SVIL: variants seen among roughly 807,000 people sequenced by gnomAD.
SVIL encodes supervillin.
Under a neutral mutation model 240.4 loss-of-function variants are expected in SVIL, and 101 were observed. The observed-to-expected ratio is 0.42, with a 90% CI of 0.36 to 0.50. The LOEUF is 0.50. Among genes scored for constraint, SVIL ranks in the 20% least tolerant of loss-of-function variants. The pLI is 0.01. For synonymous variants in SVIL, 999 were observed against 1,100.0 expected (o/e 0.91, Z 1.82); for missense variants, 2,512 against 2,818.7 (o/e 0.89, Z 2.46).
rs750920473 is a variant in SVIL at position 29,512,739 on chromosome 10, TTGA to T, written c.3509_3511del (p.Ile1170del). 2.5e-6 allele frequency: 4 copies of T among 1,614,146 alleles called. No homozygotes were observed. The South Asian group carries it at 4.4e-5, about 18-fold the overall frequency. ...TCCTAACATGGGGAATGTTACCTTC[TTGA>T]TGAGGGACCGCCCTGCTTCCTGGGT... On this transcript the variant is annotated inframe_deletion, in exon 17 of 38. Transcript: ENST00000355867.
At chr10:29,607,556 T>C (rs1304406798) in intron 1 of SVIL, among the ~76,000 whole-genome samples, 1 of 152,188 alleles carries the variant, frequency 6.6e-6, no homozygotes, top group African/African-American at 2.4e-5. Context: ...GTTGTTTACA[T>C]AGATTTGACA....
chr10:29,694,639 C>G (rs993900530), intron 1 of SVIL, among the ~76,000 whole-genome samples: 2 of 151,996 alleles, frequency 1.3e-5, no homozygotes, highest in Admixed American at 1.3e-4. Context: ...TTTGTATTTT[C>G]AGTAGAGAAA....
chr10:29,719,824 G>A (rs1963866892), intron 1 of SVIL, among the ~76,000 whole-genome samples: 1 of 152,144 alleles, frequency 6.6e-6, no homozygotes, highest in Admixed American at 6.5e-5. Flanking sequence ...GTGAGCTGTG[G>A]AGACAACTTT....
In SVIL at chr10:29,555,040, A is replaced by G. The variant is rs551892529; in HGVS notation, c.8+11T>C. 91 of 1,612,912 alleles carry G rather than the reference A, an allele frequency of 5.6e-5. 1 individual carries two copies. In the South Asian group the frequency reaches 8.1e-4, roughly 14 times the overall value. On this transcript the variant is annotated intron_variant, in intron 4 of 37. Coordinates refer to ENST00000355867, the MANE Select transcript of SVIL (RefSeq NM_021738.3). ...TCTTCTACTTCCTAACTCCCACTATAAAGATCTTACCTTTTCATTTCTAAG... is the reference window on the plus strand; with the variant it reads ...TCTTCTACTTCCTAACTCCCACTATGAAGATCTTACCTTTTCATTTCTAAG...
intron 6 of SVIL, among the ~76,000 whole-genome samples, chr10:29,541,525 G>T (rs1178791889): frequency 6.6e-6 from 1 of 152,216 alleles, no homozygotes; most frequent in African/African-American, 2.4e-5. Flanking sequence ...TCTGGGGGCA[G>T]AAGCAGGATA....
At chr10:29,610,677 T>A (rs998370007) in intron 1 of SVIL, among the ~76,000 whole-genome samples, 2 of 152,088 alleles carry the variant, frequency 1.3e-5, no homozygotes, top group Non-Finnish European at 2.9e-5. Flanking sequence ...TGCCTCAACC[T>A]CCCAAAGTGT....
chr10:29,490,108 C>T (rs1432550261), intron 22 of SVIL, among the ~76,000 whole-genome samples: 1 of 152,096 alleles, frequency 6.6e-6, no homozygotes, highest in Admixed American at 6.5e-5. Flanking sequence ...GACTGAGAGT[C>T]TGGAGCCCAT....
Position 29,542,995 on chromosome 10 carries a change from A to G in SVIL, c.828-6926T>C, listed in dbSNP as rs180765313. Among the ~76,000 whole-genome samples, 267 of 152,306 alleles carry G rather than the reference A, an allele frequency of 1.8e-3. 1 individual carries two copies. Among genetic ancestry groups the G allele is most frequent in the Non-Finnish European group, 2.9e-3 (196 of 68,024 alleles). ...CAGCTCTGTCTCTGGGAAACTCACG[A>G]TATGATAATGAGAGCAGACTGGTGC... On this transcript the variant is annotated intron_variant, in intron 6 of 37. Coordinates refer to ENST00000355867, the MANE Select transcript of SVIL (RefSeq NM_021738.3).
intron 1 of SVIL, among the ~76,000 whole-genome samples, chr10:29,617,533 A>G (rs1957471637): frequency 6.6e-6 from 1 of 151,848 alleles, no homozygotes; most frequent in Non-Finnish European, 1.5e-5. Flanking sequence ...GTGAGCCGAG[A>G]TCGTGCCACT....
intron 6 of SVIL, among the ~76,000 whole-genome samples, chr10:29,546,372 G>T (rs555308084): frequency 6.6e-6 from 1 of 152,230 alleles, no homozygotes; most frequent in East Asian, 1.9e-4. Context: ...TGTATTCTTA[G>T]TTTTCTTCAG....
In SVIL at chr10:29,634,735, A is replaced by G. The variant is rs567049692; in HGVS notation, c.-516T>C. On this transcript the variant is annotated 5_prime_UTR_variant, in exon 1 of 38. Coordinates refer to ENST00000355867, the MANE Select transcript of SVIL (RefSeq NM_021738.3). ...GGATAAATTTAGAATGGTGTTTTCCAAAAGGCTTTTTGGATGTCAAATTCA... is the reference window on the plus strand; with the variant it reads ...GGATAAATTTAGAATGGTGTTTTCCGAAAGGCTTTTTGGATGTCAAATTCA... 3.3e-5 allele frequency: 5 copies of G among 152,354 alleles called. No individual in the cohort carries two copies. The highest frequency in any genetic ancestry group is 1.2e-4 in the African/African-American group (5 of 41,582). 9.4% of individuals were successfully genotyped at this position (152,354 alleles called of 1,614,324 possible).
At chr10:29,472,128 A>C (rs1945651951) in intron 30 of SVIL, among the ~76,000 whole-genome samples, 2 of 152,152 alleles carry the variant, frequency 1.3e-5, no homozygotes, top group South Asian at 2.1e-4. Flanking sequence ...GATACAAATA[A>C]AAATAAAATG....
rs146000151 is a variant in SVIL, at chr10:29,488,678, C to G, written c.4271G>C (p.Arg1424Pro). Reference protein sequence around the residue: ...SKENFSNVSLRSVNLTEQNSN... With the variant: ...SKENFSNVSLPSVNLTEQNSN... ...GTTCTGTTCCGTCAGGTTGACGCTC[C>G]GCAGGCTGACGTTGCTGAAGTTTTC... Residue 1424 changes from arginine (R) to proline (P), a missense_variant, in exon 23 of 38, where the codon CGG becomes CCG. Coordinates refer to ENST00000355867, the MANE Select transcript of SVIL (RefSeq NM_021738.3). The G allele has an allele frequency of 6.2e-7, 1 of 1,612,858 alleles. No homozygotes were observed. Among genetic ancestry groups the G allele is most frequent in the Non-Finnish European group, 8.5e-7 (1 of 1,179,554 alleles).
chr10:29,733,741 C>T (rs903054244), intron 1 of SVIL, among the ~76,000 whole-genome samples: 1 of 152,220 alleles, frequency 6.6e-6, no homozygotes, highest in Non-Finnish European at 1.5e-5. Context: ...CCCTCATCAG[C>T]GTGCCTGGCT....
chr10:29,634,010 G>A (rs1428204820), intron 1 of SVIL, among the ~76,000 whole-genome samples: 2 of 152,250 alleles, frequency 1.3e-5, no homozygotes, highest in African/African-American at 2.4e-5. Flanking sequence ...TATAATGGCA[G>A]TGAAATAAAA....
At chr10:29,527,331 T>TA (rs1160359547) in intron 12 of SVIL, among the ~76,000 whole-genome samples, 1 of 151,908 alleles carries the variant, frequency 6.6e-6, no homozygotes, top group African/African-American at 2.4e-5. Flanking sequence ...TGTCTTGGTG[T>TA]AAAAAAAATA....
rs767591328 is a variant in SVIL at position 29,550,877 on chromosome 10, T to A, written c.547A>T (p.Lys183Ter). The A allele has an allele frequency of 1.9e-6, 3 of 1,613,900 alleles. No homozygotes were observed. Among genetic ancestry groups the A allele is most frequent in the Non-Finnish European group, 1.7e-6 (2 of 1,180,000 alleles). Residue 183 changes from lysine (K) to a stop codon, truncating the protein, a stop_gained, in exon 6 of 38, where the codon AAG becomes TAG. Coordinates refer to ENST00000355867, the MANE Select transcript of SVIL (RefSeq NM_021738.3). LOFTEE classifies it high-confidence loss of function. The part of the protein sequence containing the change: ...MGLRTCAGES[K>*]DYALHVGDGS... Reference sequence around the variant, plus strand: ...TCACCCACATGGAGGGCATAGTCCTTGGATTCACCGGCACAGGTCCTGAGC... The same window carrying A: ...TCACCCACATGGAGGGCATAGTCCTAGGATTCACCGGCACAGGTCCTGAGC...
At chr10:29,644,150 G>C (rs552328806) in intron 3 of SVIL, among the ~76,000 whole-genome samples, 5 of 152,056 alleles carry the variant, frequency 3.3e-5, no homozygotes, top group African/African-American at 9.6e-5. Flanking sequence ...TGCTCAAATG[G>C]GGACATGAGC....
chr10:29,500,714 T>G (rs893439224), intron 17 of SVIL, among the ~76,000 whole-genome samples: 1 of 152,074 alleles, frequency 6.6e-6, no homozygotes, highest in African/African-American at 2.4e-5. Flanking sequence ...GGCTAAGAAG[T>G]CTCCATGGAT....
Sources: gnomAD v4.1 joint callset for allele counts (sites outside exome capture counted in the v4.1 genomes callset) on GRCh38, gnomAD v4.1.1 for gene constraint, MANE v1.5 for transcripts, NCBI Gene and HGNC (gene_info 2026-07-23, HGNC 2026-07-21) for gene names.